AKAP13: variants seen among roughly 807,000 people sequenced by gnomAD.
AKAP13 encodes A-kinase anchor protein 13.
AKAP13 carries 80 observed loss-of-function variants against 264.5 expected under a neutral mutation model. The observed-to-expected ratio is 0.30, with a 90% CI of 0.25 to 0.36. The LOEUF is 0.36. Among genes scored for constraint, AKAP13 ranks in the 10% least tolerant of loss-of-function variants. The pLI, the probability that AKAP13 is intolerant of heterozygous loss-of-function variation, is 1.00. For synonymous variants in AKAP13, 1,380 were observed against 1,250.2 expected, an observed-to-expected ratio of 1.10 and a Z score of -2.19; for missense variants, 3,712 against 3,435.2, an observed-to-expected ratio of 1.08 and a Z score of -2.01.
In AKAP13 at chr15:85,416,623, A is replaced by G. The variant is rs565146976; in HGVS notation, c.-12+35825A>G. ...AAAGGAAATTTGAGAGAAGCTGCAT[A>G]ATTTGCTTTAACTTGCAGGGTGTGT... On this transcript the variant is annotated intron_variant, in intron 1 of 36. Transcript: ENST00000394518. Among the ~76,000 whole-genome samples the G allele has an allele frequency of 2.0e-5, 3 of 152,296 alleles. No individual in the cohort carries two copies. The South Asian group carries it at 6.2e-4, about 32-fold the overall frequency.
intron 10 of AKAP13, among the ~76,000 whole-genome samples, chr15:85,652,870 G>C (rs141241373): frequency 1.2e-4 from 18 of 152,140 alleles, no homozygotes; most frequent in African/African-American, 4.3e-4. Context: ...CCTCTTGCAG[G>C]GACACCATTT....
rs75975471 is a variant in AKAP13 at position 85,446,623 on chromosome 15, G to A, written c.-11-39087G>A. ...TGGGATGGAAAGATATTTGTTGGAT[G>A]CGAGGACAATCTGGAATTAGCTGGT... On this transcript the variant is annotated intron_variant, in intron 1 of 36. Transcript: ENST00000394518. 5.9e-5 allele frequency among the ~76,000 whole-genome samples: 9 copies of A among 152,220 alleles called. No homozygotes were observed. The East Asian group carries it at 1.7e-3, about 29-fold the overall frequency.
At chr15:85,692,791 G>A (rs1264169117) in intron 16 of AKAP13, among the ~76,000 whole-genome samples, 2 of 152,208 alleles carry the variant, frequency 1.3e-5, no homozygotes, top group African/African-American at 4.8e-5. Flanking sequence ...TGCAATTGAT[G>A]TGAGAAAGAG....
chr15:85,398,060 C>T (rs894101419), intron 1 of AKAP13, among the ~76,000 whole-genome samples: 1 of 152,212 alleles, frequency 6.6e-6, no homozygotes, highest in Non-Finnish European at 1.5e-5. Flanking sequence ...TAGTATGTGG[C>T]TGAGTTCATA....
intron 1 of AKAP13, among the ~76,000 whole-genome samples, chr15:85,442,969 C>T (rs2073762873): frequency 6.6e-6 from 1 of 152,140 alleles, no homozygotes; most frequent in Non-Finnish European, 1.5e-5. Context: ...TCTCTTCATC[C>T]TCCCTAACTC....
chr15:85,508,298 G>A (rs1248245154), intron 2 of AKAP13, among the ~76,000 whole-genome samples: 2 of 151,774 alleles, frequency 1.3e-5, no homozygotes, highest in Non-Finnish European at 2.9e-5. Context: ...ATGCACTACC[G>A]TGTCTGGCTA....
chr15:85,526,014 G>A (rs2077027898), intron 3 of AKAP13, among the ~76,000 whole-genome samples: 1 of 152,164 alleles, frequency 6.6e-6, no homozygotes, highest in Admixed American at 6.5e-5. Context: ...AGAATTCACA[G>A]CAAGAGTTCT....
chr15:85,426,177 T>C (rs1180324147), intron 1 of AKAP13, among the ~76,000 whole-genome samples: 2 of 152,220 alleles, frequency 1.3e-5, no homozygotes, highest in Admixed American at 6.5e-5. Context: ...TAAAATATTT[T>C]ATATTGGTTT....
At chr15:85,450,199 G>T (rs1174608519) in intron 1 of AKAP13, among the ~76,000 whole-genome samples, 11 of 152,022 alleles carry the variant, frequency 7.2e-5, no homozygotes, top group African/African-American at 2.7e-4. Context: ...TCTAGTTTGT[G>T]TGGGTAGAGG....
intron 1 of AKAP13, among the ~76,000 whole-genome samples, chr15:85,484,701 C>T (rs1302131111): frequency 1.3e-5 from 2 of 152,088 alleles, no homozygotes; most frequent in Non-Finnish European, 2.9e-5. Flanking sequence ...CGAGATGGTT[C>T]TGTTATTTGA....
At chr15:85,549,688 C>G (rs764087710) in intron 5 of AKAP13, among the ~76,000 whole-genome samples, 1 of 152,112 alleles carries the variant, frequency 6.6e-6, no homozygotes, top group Non-Finnish European at 1.5e-5. Flanking sequence ...ATTCTTCCCT[C>G]TACAAAAATT....
chr15:85,731,998 G>A (rs879616459), intron 30 of AKAP13, among the ~76,000 whole-genome samples: 3 of 150,364 alleles, frequency 2.0e-5, no homozygotes, highest in Non-Finnish European at 4.4e-5. Flanking sequence ...CAGGAGAATC[G>A]CTTGAACCCA....
At chr15:85,639,973 T>C (rs948586443) in intron 9 of AKAP13, among the ~76,000 whole-genome samples, 6 of 152,224 alleles carry the variant, frequency 3.9e-5, no homozygotes, top group Non-Finnish European at 8.8e-5. Context: ...AGGAATTAAG[T>C]CTTTCCTTAA....
chr15:85,733,258 C>G (rs923357448), intron 30 of AKAP13, among the ~76,000 whole-genome samples: 1 of 152,136 alleles, frequency 6.6e-6, no homozygotes. Flanking sequence ...TTCATATTTT[C>G]TTCCCCAAGG....
intron 8 of AKAP13, among the ~76,000 whole-genome samples, chr15:85,601,218 C>A (rs1412226840): frequency 6.6e-6 from 1 of 152,124 alleles, no homozygotes; most frequent in Non-Finnish European, 1.5e-5. Context: ...CCTGGTCTTT[C>A]AAAAATGCAA....
intron 5 of AKAP13, among the ~76,000 whole-genome samples, chr15:85,573,524 G>A (rs892155335): frequency 2.8e-5 from 4 of 143,688 alleles, no homozygotes; most frequent in African/African-American, 1.1e-4. Flanking sequence ...CAGCCTTGGC[G>A]ACAGAGCGGG....
At chr15:85,674,670 A>G (rs988071745) in intron 14 of AKAP13, among the ~76,000 whole-genome samples, 4 of 152,218 alleles carry the variant, frequency 2.6e-5, no homozygotes, top group African/African-American at 9.6e-5. Context: ...TGGCAGTTAC[A>G]TATCTGTACC....
intron 20 of AKAP13, 23 bp downstream of exon 20, chr15:85,715,946 A>G (rs1187272492): frequency 1.2e-6 from 2 of 1,604,728 alleles, no homozygotes; most frequent in Non-Finnish European, 1.7e-6. Context: ...ATTTAAAGAT[A>G]GCACAGTTGG....
intron 1 of AKAP13, among the ~76,000 whole-genome samples, chr15:85,416,799 C>T (rs1449866641): frequency 6.6e-6 from 1 of 152,168 alleles, no homozygotes; most frequent in Non-Finnish European, 1.5e-5. Context: ...GCCATAGTTT[C>T]CCTATCATGG....
Sources: gnomAD v4.1 joint callset for allele counts (sites outside exome capture counted in the v4.1 genomes callset) on GRCh38, gnomAD v4.1.1 for gene constraint, MANE v1.5 for transcripts, NCBI Gene and HGNC (gene_info 2026-07-23, HGNC 2026-07-21) for gene names.